The following HS6ST2 variants were observed in gnomAD, a reference collection of about 807,000 sequenced individuals.
HS6ST2 encodes the protein heparan-sulfate 6-O-sulfotransferase 2.
Under a neutral mutation model 33.0 loss-of-function variants are expected in HS6ST2, and 17 were observed. That is an observed-to-expected ratio of 0.52 (90% CI 0.35 to 0.77). HS6ST2 has a LOEUF of 0.77. Ranked by LOEUF, HS6ST2 falls within the 30% of genes least tolerant of loss-of-function variation. The pLI, the probability that HS6ST2 is intolerant of heterozygous loss-of-function variation, is 0.01. For missense variants in HS6ST2, 519 were observed against 551.7 expected (o/e 0.94, Z 0.59); for synonymous variants, 248 against 237.1 (o/e 1.05, Z -0.42).
At chrX:132,674,324 A>G (rs755092574) in intron 3 of HS6ST2, among the ~76,000 whole-genome samples, 8 of 112,201 alleles carry the variant, frequency 7.1e-5, no homozygotes, top group East Asian at 2.8e-4. Flanking sequence ...CCTGGCTGCC[A>G]GCAAGGCATT....
intron 2 of HS6ST2, among the ~76,000 whole-genome samples, chrX:132,787,058 C>T (rs2065068115): frequency 9.7e-6 from 1 of 102,789 alleles, no homozygotes; most frequent in African/African-American, 3.5e-5. Flanking sequence ...AAATCCCAAG[C>T]TGGGTCAAAG....
intron 2 of HS6ST2, among the ~76,000 whole-genome samples, chrX:132,800,781 C>A (rs1443893458): frequency 8.9e-6 from 1 of 111,780 alleles, no homozygotes. Context: ...AAATTGTAAT[C>A]CCCAGGTGTT....
At chrX:132,659,319 C>G (rs1015290177) in intron 4 of HS6ST2, among the ~76,000 whole-genome samples, 5 of 111,684 alleles carry the variant, frequency 4.5e-5, no homozygotes, top group African/African-American at 1.6e-4. Context: ...AAGCGACCAT[C>G]CTGAAAACCC....
chrX:132,957,612 C>G (rs1305591750), intron 1 of HS6ST2, among the ~76,000 whole-genome samples: 1 of 109,353 alleles, frequency 9.1e-6, no homozygotes, highest in Non-Finnish European at 1.9e-5. Context: ...CGGAGCTCCC[C>G]GGAGCCCCTC....
intron 2 of HS6ST2, among the ~76,000 whole-genome samples, chrX:132,732,811 T>C (rs1007967348): frequency 6.3e-5 from 7 of 111,912 alleles, no homozygotes; most frequent in Middle Eastern, 4.6e-3. Context: ...AATGAGCTAA[T>C]ATGCTGCTCA....
intron 4 of HS6ST2, among the ~76,000 whole-genome samples, chrX:132,637,960 A>AT (rs1321469751): frequency 5.5e-5 from 4 of 72,863 alleles, no homozygotes; most frequent in East Asian, 7.7e-4. Context: ...TAATATATAT[A>AT]AAATATTTTA....
intron 2 of HS6ST2, among the ~76,000 whole-genome samples, chrX:132,920,685 A>G (rs969858048): frequency 3.5e-5 from 4 of 112,764 alleles, no homozygotes; most frequent in Non-Finnish European, 7.5e-5. Context: ...CGTAAATGAC[A>G]TGAAAAAGCT....
intron 2 of HS6ST2, among the ~76,000 whole-genome samples, chrX:132,932,952 T>A (rs2148488340): frequency 9.3e-6 from 1 of 106,970 alleles, no homozygotes; most frequent in East Asian, 2.8e-4. Flanking sequence ...TATAATATAA[T>A]GTCTATGTTA....
chrX:132,931,005 A>G (rs949919107), intron 2 of HS6ST2, among the ~76,000 whole-genome samples: 3 of 111,924 alleles, frequency 2.7e-5, no homozygotes, highest in Non-Finnish European at 5.6e-5. Context: ...ATTGTGACTT[A>G]GCTCTGCAGG....
At chrX:132,933,624 G>T (rs2066796801) in intron 2 of HS6ST2, among the ~76,000 whole-genome samples, 1 of 111,561 alleles carries the variant, frequency 9.0e-6, no homozygotes, top group South Asian at 3.8e-4. Flanking sequence ...GTAGCTCAAT[G>T]AACTGCAAGT....
At chrX:132,698,756 T>C (rs927560865) in intron 3 of HS6ST2, among the ~76,000 whole-genome samples, 2 of 111,665 alleles carry the variant, frequency 1.8e-5, no homozygotes, top group Non-Finnish European at 3.8e-5. Context: ...AGCACTCCAC[T>C]TAATTCTTTC....
intron 2 of HS6ST2, among the ~76,000 whole-genome samples, chrX:132,773,663 T>C: frequency 8.9e-6 from 1 of 112,384 alleles, no homozygotes; most frequent in Non-Finnish European, 1.9e-5. Context: ...AGTGAAGCTC[T>C]GATAGTGCTA....
chrX:132,793,048 C>CTTTTTTTTTTTTTT lies in HS6ST2; in HGVS notation c.948-84568_948-84555dup, dbSNP rs755535720. On this transcript the variant is annotated intron_variant, in intron 2 of 4. Transcript: ENST00000370833. Reference sequence around the variant, plus strand: ...AAGTTGCAAATCTCCAAATAAACTCCTTTTTTTTTTTTTTTTTTTTTTTTT... The same window carrying CTTTTTTTTTTTTTT: ...AAGTTGCAAATCTCCAAATAAACTCCTTTTTTTTTTTTTTTTTTTTTTTTTTTTTTTTTTTTTTT... 9.4e-5 allele frequency among the ~76,000 whole-genome samples: 5 copies of CTTTTTTTTTTTTTT among 53,247 alleles called. 1 individual carries two copies. The highest frequency in any genetic ancestry group is 5.2e-4 in the African/African-American group (5 of 9,544). The allele number at this position is 53,247 out of a possible 115,157, so 46.2% of individuals were successfully genotyped here.
In HS6ST2 at chrX:132,882,690, C is replaced by A. The variant is rs954539376; in HGVS notation, c.947+74118G>T. Among the ~76,000 whole-genome samples the A allele has an allele frequency of 2.0e-4, 22 of 110,026 alleles. No individual in the cohort carries two copies. In the East Asian group the frequency reaches 6.0e-3, roughly 30 times the overall value. On this transcript the variant is annotated intron_variant, in intron 2 of 4. Coordinates refer to ENST00000370833, the MANE Select transcript of HS6ST2 (RefSeq NM_001394073.1). ...GAATAGGAGTGGTGAGAGAGGGCATCCCTGTCTTGTGTCAGTTTTCAAAGG... is the reference window on the plus strand; with the variant it reads ...GAATAGGAGTGGTGAGAGAGGGCATACCTGTCTTGTGTCAGTTTTCAAAGG...
intron 2 of HS6ST2, among the ~76,000 whole-genome samples, chrX:132,747,610 G>C (rs1274618359): frequency 1.8e-5 from 2 of 110,875 alleles, no homozygotes; most frequent in African/African-American, 6.6e-5. Flanking sequence ...GTGACCATGA[G>C]CAAGTCCCTC....
intron 3 of HS6ST2, among the ~76,000 whole-genome samples, chrX:132,677,025 G>A (rs892148021): frequency 1.8e-5 from 2 of 112,254 alleles, no homozygotes; most frequent in Non-Finnish European, 3.8e-5. Context: ...CATAGCAGGT[G>A]AGACAAAGAT....
At chrX:132,817,519 AAATT>A (rs1174001719) in intron 2 of HS6ST2, among the ~76,000 whole-genome samples, 3 of 111,496 alleles carry the variant, frequency 2.7e-5, no homozygotes, top group Non-Finnish European at 5.6e-5. Context: ...AAACTCTAAT[AAATT>A]ATCTTTTGAC....
chrX:132,787,219 A>ATATATATACACATATATATACATATATG (rs2065075381), intron 2 of HS6ST2, among the ~76,000 whole-genome samples: 1 of 89,866 alleles, frequency 1.1e-5, no homozygotes, highest in South Asian at 5.1e-4. Context: ...ATATACACAT[A>ATATATATACACATATATATACATATATG]TATATATACA....
At chrX:132,725,983 A>G (rs1389711273) in intron 2 of HS6ST2, among the ~76,000 whole-genome samples, 1 of 110,210 alleles carries the variant, frequency 9.1e-6, no homozygotes, top group African/African-American at 3.3e-5. Flanking sequence ...ATAAAGATAG[A>G]AAGTGGAGGG....
Sources: allele counts gnomAD v4.1 joint callset (sites outside exome capture counted in the v4.1 genomes callset), GRCh38; gene constraint gnomAD v4.1.1; transcripts MANE v1.5; gene names NCBI Gene and HGNC (gene_info 2026-07-23, HGNC 2026-07-21).